Variants in RRM2 observed in about 807,000 individuals in gnomAD.
RRM2 encodes ribonucleoside-diphosphate reductase subunit M2.
In RRM2, 6 loss-of-function variants were observed where a neutral mutation model predicts 45.9. That is an observed-to-expected ratio of 0.13 (90% CI 0.07 to 0.26). The LOEUF (loss-of-function observed/expected upper bound fraction) is 0.26, where lower values mean the gene tolerates loss of function less well. Ranked by LOEUF, RRM2 falls within the 10% of genes least tolerant of loss-of-function variation. The pLI is 1.00. For synonymous variants in RRM2, 177 were observed against 173.0 expected (o/e 1.02, Z -0.18); for missense variants, 343 against 489.5 (o/e 0.70, Z 2.82).
chr2:10,192,099 C>G (rs1217961816), intron 3 of RRM2, among the ~76,000 whole-genome samples: 2 of 135,618 alleles, frequency 1.5e-5, no homozygotes, highest in African/African-American at 5.6e-5. Context: ...GCTGGAGCTG[C>G]TCTGTGACAG....
chr2:10,183,438 G>A (rs2125326301), intron 3 of RRM2, among the ~76,000 whole-genome samples: 1 of 152,352 alleles, frequency 6.6e-6, no homozygotes, highest in East Asian at 1.9e-4. Flanking sequence ...AGTGGCAAGA[G>A]CCCTTTGGGC....
intron 1 of RRM2, chr2:10,141,701 C>T: frequency 8.7e-7 from 1 of 1,144,920 alleles, no homozygotes; most frequent in Non-Finnish European, 1.2e-6. Flanking sequence ...TCGACCTGTT[C>T]TTGGGAAGGA....
chr2:10,142,160 AGAGT>A, intron 2 of RRM2: 1 of 1,535,082 alleles, frequency 6.5e-7, no homozygotes, highest in South Asian at 1.2e-5. Flanking sequence ...TGGTCAGAGC[AGAGT>A]GAGGGGTGGG....
intron 2 of RRM2, 87 bp downstream of exon 2, chr2:10,123,144 C>G: frequency 7.1e-7 from 1 of 1,416,290 alleles, no homozygotes. Context: ...GCTGTTCACA[C>G]TCCCGCCCCG....
chr2:10,123,178 C>A, intron 2 of RRM2, 121 bp downstream of exon 2: 1 of 1,329,972 alleles, frequency 7.5e-7, no homozygotes, highest in Non-Finnish European at 1.0e-6. Flanking sequence ...CTAGGCGGCC[C>A]CTCCCCAGGG....
chr2:10,152,694 G>T (rs1663339149), intron 3 of RRM2, among the ~76,000 whole-genome samples: 2 of 151,580 alleles, frequency 1.3e-5, no homozygotes, highest in African/African-American at 4.8e-5. Context: ...TGTTGGCCAG[G>T]CTGGTCTCGA....
intron 3 of RRM2, among the ~76,000 whole-genome samples, chr2:10,197,247 C>A (rs927552142): frequency 3.3e-5 from 5 of 152,226 alleles, no homozygotes; most frequent in African/African-American, 9.6e-5. Flanking sequence ...CAGGTAGTCA[C>A]AGCTCTGTGA....
At chr2:10,159,320 C>G (rs10199167) in intron 3 of RRM2, among the ~76,000 whole-genome samples, 24,319 of 152,180 alleles carry the variant, frequency 0.16, 2,356 homozygotes, top group East Asian at 0.5. Flanking sequence ...CAGCATTTTC[C>G]CCTGACTGGT....
chr2:10,140,129 C>T (rs1472580956), upstream of RRM2, among the ~76,000 whole-genome samples: 1 of 152,076 alleles, frequency 6.6e-6, no homozygotes, highest in African/African-American at 2.4e-5. Flanking sequence ...CACCTGTAGT[C>T]CCAGCTACTT....
In RRM2 at chr2:10,205,203, G is replaced by T. The variant is rs955395981; in HGVS notation, n.483-5108G>T. On this transcript the variant is annotated intron_variant and non_coding_transcript_variant, in intron 3 of 3. Coordinates refer to the RRM2 transcript ENST00000381786. This position sits in a 1 kb window ranked among gnomAD's most constrained non-coding sequence, Gnocchi z 4.8. ...AGACTTAGAGAAATGAGGAGGGGGC[G>T]TGGAGCAGGGGCTGAGGCCTGAGCG... Among the ~76,000 whole-genome samples, 2 of 152,342 alleles carry T rather than the reference G, an allele frequency of 1.3e-5. No individual in the cohort carries two copies. The highest frequency in any genetic ancestry group is 1.5e-5 in the Non-Finnish European group (1 of 68,038).
At chr2:10,168,825 T>A (rs1455194972) in intron 3 of RRM2, among the ~76,000 whole-genome samples, 1 of 149,184 alleles carries the variant, frequency 6.7e-6, no homozygotes, top group Non-Finnish European at 1.5e-5. Flanking sequence ...CAACCTTTCC[T>A]CAGTACCCAA....
intron 3 of RRM2, among the ~76,000 whole-genome samples, chr2:10,209,057 C>CTTTCTT (rs1048061514): frequency 7.8e-5 from 8 of 102,486 alleles, no homozygotes; most frequent in African/African-American, 2.2e-4. Flanking sequence ...TTCTTTCTTT[C>CTTTCTT]TTTTTTTTTT....
chr2:10,209,575 ATGTG>A (rs146042072), intron 3 of RRM2, among the ~76,000 whole-genome samples: 3 of 148,966 alleles, frequency 2.0e-5, no homozygotes, highest in African/African-American at 4.9e-5. Context: ...ACGTGCTTGC[ATGTG>A]TGTGTGTGTG....
chr2:10,147,473 G>T lies in RRM2; in HGVS notation n.482+5098G>T, dbSNP rs139317219. Among the ~76,000 whole-genome samples the T allele has an allele frequency of 8.8e-3, 1,337 of 151,436 alleles. 10 individuals carry two copies. The highest frequency in any genetic ancestry group is 0.015 in the Non-Finnish European group (985 of 67,876). On this transcript the variant is annotated intron_variant and non_coding_transcript_variant, in intron 3 of 3. Transcript: ENST00000381786. ...TTTGTATTTTTTTTGTAGAGACAGG[G>T]TTTCGCCCTGTTGCCCAGGCAACAA...
At chr2:10,198,285 A>T (rs1209653343) in intron 3 of RRM2, among the ~76,000 whole-genome samples, 1 of 152,104 alleles carries the variant, frequency 6.6e-6, no homozygotes, top group Non-Finnish European at 1.5e-5. Flanking sequence ...TCTCCTCCAA[A>T]GTCATTCTTC....
At chr2:10,166,355 C>G (rs1663680247) in intron 3 of RRM2, among the ~76,000 whole-genome samples, 1 of 152,232 alleles carries the variant, frequency 6.6e-6, no homozygotes, top group Non-Finnish European at 1.5e-5. Context: ...TCCACCAGCC[C>G]TGCTCGCACC....
At chr2:10,152,384 A>G (rs1663331314) in intron 3 of RRM2, among the ~76,000 whole-genome samples, 1 of 150,972 alleles carries the variant, frequency 6.6e-6, no homozygotes, top group Non-Finnish European at 1.5e-5. Flanking sequence ...CATTTTATTC[A>G]GTGTCTTTTG....
chr2:10,195,128 C>A lies in RRM2; in HGVS notation n.483-15183C>A, dbSNP rs1664387587. Among the ~76,000 whole-genome samples, 1 of 152,152 alleles carries A rather than the reference C, an allele frequency of 6.6e-6. No individual in the cohort carries two copies. Among genetic ancestry groups the A allele is most frequent in the Non-Finnish European group, 1.5e-5 (1 of 68,030 alleles). ...AGGCACTTAGCAGGGTGGTGAGGGC[C>A]ACAGGTGTGGTCTGAGCTCCTGGGG... On this transcript the variant is annotated intron_variant and non_coding_transcript_variant, in intron 3 of 3. Transcript: ENST00000381786. This position sits in a 1 kb window ranked among gnomAD's most constrained non-coding sequence, Gnocchi z 4.9.
At chr2:10,203,094 C>T (rs1664596163) in intron 3 of RRM2, among the ~76,000 whole-genome samples, 2 of 152,236 alleles carry the variant, frequency 1.3e-5, no homozygotes, top group South Asian at 4.1e-4. Context: ...CCTTTCTTCT[C>T]CCCTGGAAAT....
Sources: allele counts gnomAD v4.1 joint callset (sites outside exome capture counted in the v4.1 genomes callset), GRCh38; gene constraint gnomAD v4.1.1; non-coding constraint Gnocchi (gnomAD v3.1); transcripts MANE v1.5; gene names NCBI Gene and HGNC (gene_info 2026-07-23, HGNC 2026-07-21).